Variants in ST6GAL1 observed in about 807,000 individuals in gnomAD.
ST6GAL1 encodes ST6 beta-galactoside alpha-2,6-sialyltransferase 1, also known as beta-galactoside alpha-2,6-sialyltransferase 1.
Under a neutral mutation model 38.0 loss-of-function variants are expected in ST6GAL1, and 20 were observed. The observed-to-expected ratio is 0.53, with a 90% CI of 0.37 to 0.77. The LOEUF (loss-of-function observed/expected upper bound fraction) is 0.77. ST6GAL1 is among the 30% of genes least tolerant of loss of function. ST6GAL1 has a pLI of 0.00. For missense variants in ST6GAL1, 432 were observed against 496.4 expected (o/e 0.87, Z 1.23); for synonymous variants, 196 against 188.2 (o/e 1.04, Z -0.34).
chr3:186,976,339 A>G (rs1014378384), intron 2 of ST6GAL1, among the ~76,000 whole-genome samples: 3 of 152,214 alleles, frequency 2.0e-5, no homozygotes, highest in Non-Finnish European at 4.4e-5. Context: ...ATTGAGGTCA[A>G]ATTTGTAGCT....
intron 2 of ST6GAL1, among the ~76,000 whole-genome samples, chr3:187,036,462 C>T (rs1236811178): frequency 6.6e-6 from 1 of 152,170 alleles, no homozygotes; most frequent in Admixed American, 6.5e-5. Context: ...GTGTTTATTG[C>T]AGCACTATTC....
At chr3:187,040,362 C>T (rs1230739313) in intron 3 of ST6GAL1, among the ~76,000 whole-genome samples, 2 of 152,200 alleles carry the variant, frequency 1.3e-5, no homozygotes, top group Non-Finnish European at 2.9e-5. Context: ...TCTCTAGTGA[C>T]CTTGAGTCCG....
At chr3:187,057,526 T>TTTCC (rs1466535556) in intron 5 of ST6GAL1, among the ~76,000 whole-genome samples, 14 of 152,348 alleles carry the variant, frequency 9.2e-5, no homozygotes, top group African/African-American at 3.4e-4. Flanking sequence ...GTTTGTTAGT[T>TTTCC]TTCCTTCTAA....
chr3:186,945,506 T>A (rs1714327456), intron 1 of ST6GAL1, among the ~76,000 whole-genome samples: 1 of 152,008 alleles, frequency 6.6e-6, no homozygotes, highest in Admixed American at 6.6e-5. Context: ...CAAACATACT[T>A]AGAAGGCATA....
chr3:186,966,340 G>A (rs1029818194), intron 2 of ST6GAL1, among the ~76,000 whole-genome samples: 1 of 152,230 alleles, frequency 6.6e-6, no homozygotes, highest in Non-Finnish European at 1.5e-5. Context: ...ATTCTGCAAT[G>A]AGCTAACAAG....
intron 1 of ST6GAL1, among the ~76,000 whole-genome samples, chr3:186,962,418 A>C (rs907963892): frequency 6.6e-6 from 1 of 152,166 alleles, no homozygotes; most frequent in Non-Finnish European, 1.5e-5. Context: ...GGCTGAGCTG[A>C]GTGTGAGCAT....
intron 2 of ST6GAL1, among the ~76,000 whole-genome samples, chr3:187,033,088 G>A (rs1717807575): frequency 6.6e-6 from 1 of 152,150 alleles, no homozygotes; most frequent in Non-Finnish European, 1.5e-5. Flanking sequence ...CAAGAGTTTT[G>A]CCTTAATTAT....
At chr3:187,034,942 A>G (rs950959184) in intron 2 of ST6GAL1, among the ~76,000 whole-genome samples, 1 of 152,200 alleles carries the variant, frequency 6.6e-6, no homozygotes, top group Non-Finnish European at 1.5e-5. Flanking sequence ...AGGCATCCAA[A>G]TAGGAAAAGA....
chr3:187,036,096 G>C (rs929772824), intron 2 of ST6GAL1, among the ~76,000 whole-genome samples: 2 of 152,146 alleles, frequency 1.3e-5, no homozygotes, highest in Non-Finnish European at 2.9e-5. Context: ...GTGAGCAAAA[G>C]ATATGAACAG....
intron 1 of ST6GAL1, among the ~76,000 whole-genome samples, chr3:186,943,791 A>G (rs574687774): frequency 1.3e-5 from 2 of 152,308 alleles, no homozygotes; most frequent in African/African-American, 2.4e-5. Context: ...GTTGAAGGAG[A>G]TTCAGTGACT....
intron 2 of ST6GAL1, among the ~76,000 whole-genome samples, chr3:186,999,611 G>A (rs932353695): frequency 1.1e-4 from 16 of 151,770 alleles, no homozygotes; most frequent in African/African-American, 3.1e-4. Flanking sequence ...GGGTTTCACC[G>A]TGTTAGCCAG....
At chr3:187,040,408 C>T (rs928997691) in intron 3 of ST6GAL1, among the ~76,000 whole-genome samples, 1 of 152,234 alleles carries the variant, frequency 6.6e-6, no homozygotes, top group Non-Finnish European at 1.5e-5. Context: ...TCCCTTATCA[C>T]AGATGCATGT....
At chr3:187,039,573 G>A (rs528407716) in intron 3 of ST6GAL1, among the ~76,000 whole-genome samples, 2 of 152,340 alleles carry the variant, frequency 1.3e-5, no homozygotes, top group African/African-American at 4.8e-5. Flanking sequence ...CATGGACAAG[G>A]AGAAAGAGTG....
At chr3:186,974,208 C>T (rs992422335) in intron 2 of ST6GAL1, among the ~76,000 whole-genome samples, 15 of 152,140 alleles carry the variant, frequency 9.9e-5, no homozygotes, top group African/African-American at 3.4e-4. Context: ...GCTGACCAGG[C>T]GCCTGGCCAC....
chr3:186,946,736 A>G (rs1465420578), intron 1 of ST6GAL1, among the ~76,000 whole-genome samples: 1 of 152,186 alleles, frequency 6.6e-6, no homozygotes, highest in Non-Finnish European at 1.5e-5. Flanking sequence ...GACATTTTAT[A>G]AATAATGAAC....
At chr3:186,972,729 A>G (rs1042779200) in intron 2 of ST6GAL1, among the ~76,000 whole-genome samples, 1 of 152,108 alleles carries the variant, frequency 6.6e-6, no homozygotes, top group Admixed American at 6.5e-5. Flanking sequence ...GGCACTCTTC[A>G]CTGACGAACT....
At chr3:186,955,667 T>G (rs1275882086) in intron 1 of ST6GAL1, among the ~76,000 whole-genome samples, 1 of 152,044 alleles carries the variant, frequency 6.6e-6, no homozygotes, top group East Asian at 1.9e-4. Flanking sequence ...CATGCCCAGC[T>G]AATTTTTGTA....
intron 2 of ST6GAL1, among the ~76,000 whole-genome samples, chr3:187,032,112 C>G (rs147146745): frequency 1.3e-5 from 2 of 152,192 alleles, no homozygotes; most frequent in Non-Finnish European, 2.9e-5. Context: ...TTTTGGAAAG[C>G]CCTCATCACC....
chr3:187,074,457 T>G, intron 7 of ST6GAL1, 124 bp downstream of exon 7: 1 of 1,098,322 alleles, frequency 9.1e-7, no homozygotes, highest in Non-Finnish European at 1.2e-6. Flanking sequence ...AGGATTCTGC[T>G]CTGCTTGTAG....
Sources: gnomAD v4.1 joint callset for allele counts (sites outside exome capture counted in the v4.1 genomes callset) on GRCh38, gnomAD v4.1.1 for gene constraint, MANE v1.5 for transcripts, NCBI Gene and HGNC (gene_info 2026-07-23, HGNC 2026-07-21) for gene names.